Variants in PTPRD observed in about 807,000 individuals in gnomAD.
The protein encoded by PTPRD is protein tyrosine phosphatase receptor type D, also known as receptor-type tyrosine-protein phosphatase delta.
A neutral mutation model predicts 214.5 loss-of-function variants in PTPRD; 34 were observed. That is an observed-to-expected ratio of 0.16 (90% CI 0.12 to 0.21). The LOEUF is 0.21. Among genes scored for constraint, PTPRD ranks in the 10% least tolerant of loss-of-function variants. PTPRD has a pLI of 1.00. For missense variants in PTPRD, 2,545 were observed against 2,398.7 expected, an observed-to-expected ratio of 1.06 and a Z score of -1.27; for synonymous variants, 1,128 against 845.7, an observed-to-expected ratio of 1.33 and a Z score of -5.79.
At chr9:9,469,937 A>T (rs2094477407) in intron 8 of PTPRD, among the ~76,000 whole-genome samples, 1 of 152,164 alleles carries the variant, frequency 6.6e-6, no homozygotes, top group South Asian at 2.1e-4. Context: ...CATTATTTGG[A>T]TGTAGGCAGA....
At chr9:10,552,062 G>T (rs767762998) in intron 2 of PTPRD, among the ~76,000 whole-genome samples, 11 of 152,060 alleles carry the variant, frequency 7.2e-5, no homozygotes, top group Non-Finnish European at 1.2e-4. Context: ...ATTTTCAAAG[G>T]ATTCATGTTA....
chr9:8,590,745 G>C (rs1259763160), intron 14 of PTPRD, among the ~76,000 whole-genome samples: 2 of 152,152 alleles, frequency 1.3e-5, no homozygotes, highest in African/African-American at 4.8e-5. Flanking sequence ...GGATTTGCAT[G>C]CAAGTTTAAC....
At chr9:8,406,074 C>T (rs12006491) in intron 35 of PTPRD, among the ~76,000 whole-genome samples, 81,226 of 151,938 alleles carry the variant, frequency 0.53, 22,579 homozygotes, top group African/African-American at 0.68. Flanking sequence ...AATCTATATA[C>T]AAAATAGTCA....
At chr9:9,238,008 T>C (rs1228772698) in intron 9 of PTPRD, among the ~76,000 whole-genome samples, 1 of 152,130 alleles carries the variant, frequency 6.6e-6, no homozygotes, top group African/African-American at 2.4e-5. Context: ...TATGTTCCCC[T>C]TCAAGTCCCT....
At chr9:9,356,238 T>G (rs1156253008) in intron 9 of PTPRD, among the ~76,000 whole-genome samples, 2 of 151,294 alleles carry the variant, frequency 1.3e-5, no homozygotes, top group African/African-American at 4.8e-5. Flanking sequence ...TTTTTAATCT[T>G]GGAGAAATAA....
chr9:8,741,394 A>G (rs2091883135), intron 11 of PTPRD, among the ~76,000 whole-genome samples: 1 of 152,094 alleles, frequency 6.6e-6, no homozygotes, highest in African/African-American at 2.4e-5. Context: ...AAACGGTTAA[A>G]ATACAAGTCT....
At chr9:9,044,360 G>A (rs1346864894) in intron 10 of PTPRD, among the ~76,000 whole-genome samples, 1 of 152,238 alleles carries the variant, frequency 6.6e-6, no homozygotes, top group Non-Finnish European at 1.5e-5. Context: ...ACCACTGTGA[G>A]TGGCCCATGT....
chr9:10,509,069 A>G (rs991844216), intron 2 of PTPRD, among the ~76,000 whole-genome samples: 1 of 152,016 alleles, frequency 6.6e-6, no homozygotes, highest in African/African-American at 2.4e-5. Flanking sequence ...CTGTAAATTT[A>G]TTATTTTTTC....
intron 10 of PTPRD, among the ~76,000 whole-genome samples, chr9:9,174,680 C>G (rs1201239170): frequency 6.6e-6 from 1 of 152,014 alleles, no homozygotes; most frequent in Non-Finnish European, 1.5e-5. Context: ...TATTTAATAA[C>G]TATAGTGATT....
chr9:9,738,426 C>A lies in PTPRD; in HGVS notation c.-325-3855G>T, dbSNP rs1178167425. 4.7e-5 allele frequency among the ~76,000 whole-genome samples: 6 copies of A among 127,264 alleles called. No individual in the cohort carries two copies. The East Asian group carries it at 1.1e-3, about 23-fold the overall frequency. 83.5% of individuals were successfully genotyped at this position (127,264 alleles called of 152,430 possible). Reference sequence around the variant, plus strand: ...CTTTGGAGAAATATGTATTAAAATTCTTCACTCACTCACTTTTTTTTTTTT... The same window carrying A: ...CTTTGGAGAAATATGTATTAAAATTATTCACTCACTCACTTTTTTTTTTTT... On this transcript the variant is annotated intron_variant, in intron 6 of 45. Coordinates refer to ENST00000381196, the MANE Select transcript of PTPRD (RefSeq NM_002839.4).
intron 31 of PTPRD, among the ~76,000 whole-genome samples, chr9:8,466,050 A>C (rs1032671629): frequency 1.3e-5 from 2 of 151,916 alleles, no homozygotes; most frequent in Non-Finnish European, 2.9e-5. Flanking sequence ...TTTATTAAAT[A>C]AGTATTAACC....
rs147167371 is a variant in PTPRD, at chr9:9,565,397, G to A, written c.-237+9335C>T. ...AATTTAAAATTGCAAAAAATTGCAT[G>A]TATTGAATGATGTAATCTAAATGCA... On this transcript the variant is annotated intron_variant, in intron 8 of 45. Transcript: ENST00000381196. Among the ~76,000 whole-genome samples the A allele has an allele frequency of 1.3e-4, 19 of 151,994 alleles. No homozygotes were observed. The East Asian group carries it at 3.7e-3, about 29-fold the overall frequency.
At chr9:9,262,504 G>T (rs1422016774) in intron 9 of PTPRD, among the ~76,000 whole-genome samples, 2 of 151,222 alleles carry the variant, frequency 1.3e-5, no homozygotes, top group African/African-American at 2.4e-5. Context: ...TGTAGCTAAA[G>T]GCTACTATAT....
chr9:9,840,368 T>A (rs1278011952), intron 5 of PTPRD, among the ~76,000 whole-genome samples: 1 of 152,100 alleles, frequency 6.6e-6, no homozygotes, highest in African/African-American at 2.4e-5. Context: ...TTAATCAGAT[T>A]TGAAAAATAG....
chr9:9,318,081 G>T (rs1237301813), intron 9 of PTPRD, among the ~76,000 whole-genome samples: 1 of 152,060 alleles, frequency 6.6e-6, no homozygotes, highest in Non-Finnish European at 1.5e-5. Flanking sequence ...TGAGGCAGAA[G>T]AATCATTTGA....
rs138286674 is a variant in PTPRD at position 10,284,688 on chromosome 9, C to T, written c.-545+56275G>A. On this transcript the variant is annotated intron_variant, in intron 3 of 45. Coordinates refer to ENST00000381196, the MANE Select transcript of PTPRD (RefSeq NM_002839.4). ...TGGCTAGGCTTAGTCTCTTATGAGG[C>T]TCAGGGTCTTCCAAGCTCATTTGGT... is the stretch of plus-strand genomic sequence containing the variant. Among the ~76,000 whole-genome samples, 19 of 152,266 alleles carry T rather than the reference C, an allele frequency of 1.2e-4. No individual in the cohort carries two copies. The East Asian group carries it at 3.3e-3, about 26-fold the overall frequency.
At chr9:8,335,832 C>G (rs1005544620) in intron 43 of PTPRD, among the ~76,000 whole-genome samples, 3 of 152,122 alleles carry the variant, frequency 2.0e-5, no homozygotes, top group Non-Finnish European at 4.4e-5. Context: ...CACAAGCACT[C>G]CTATATACCA....
chr9:9,910,621 G>A (rs1208307736), intron 5 of PTPRD, among the ~76,000 whole-genome samples: 1 of 151,798 alleles, frequency 6.6e-6, no homozygotes, highest in Admixed American at 6.6e-5. Context: ...ATATTTAATT[G>A]CTTGTGGAAT....
At chr9:9,018,844 A>C (rs12685693) in intron 10 of PTPRD, 109 bp from the exon 11 acceptor site, 1 of 151,930 alleles carries the variant, frequency 6.6e-6, no homozygotes, top group Non-Finnish European at 1.5e-5. Flanking sequence ...GGAAATGTCA[A>C]ATTCCAACAA....
Sources: gnomAD v4.1 joint callset for allele counts (sites outside exome capture counted in the v4.1 genomes callset) on GRCh38, gnomAD v4.1.1 for gene constraint, MANE v1.5 for transcripts, NCBI Gene and HGNC (gene_info 2026-07-23, HGNC 2026-07-21) for gene names.